The following UBAP2 variants were observed in gnomAD, a reference collection of about 807,000 sequenced individuals.
UBAP2 encodes the protein ubiquitin-associated protein 2.
Under a neutral mutation model 139.6 loss-of-function variants are expected in UBAP2, and 75 were observed. The observed-to-expected ratio is 0.54, with a 90% CI of 0.45 to 0.65. The LOEUF (loss-of-function observed/expected upper bound fraction) is 0.65, where lower values mean the gene tolerates loss of function less well. Among genes scored for constraint, UBAP2 ranks in the 30% least tolerant of loss-of-function variants. The pLI, the probability that UBAP2 is intolerant of heterozygous loss-of-function variation, is 0.00. For missense variants in UBAP2, 1,368 were observed against 1,369.6 expected (o/e 1.00, Z 0.02); for synonymous variants, 526 against 526.2 (o/e 1.00, Z 0.01).
intron 15 of UBAP2, among the ~76,000 whole-genome samples, chr9:33,942,094 C>T (rs975193293): frequency 3.3e-5 from 5 of 151,586 alleles, no homozygotes; most frequent in East Asian, 2.0e-4. Context: ...TGGGCGGATC[C>T]GGAGGTCAGG....
At chr9:34,032,626 G>C (rs1049243341) in intron 1 of UBAP2, among the ~76,000 whole-genome samples, 1 of 152,072 alleles carries the variant, frequency 6.6e-6, no homozygotes, top group African/African-American at 2.4e-5. Context: ...CAGAGATTAA[G>C]AATCTTTGTT....
intron 2 of UBAP2, among the ~76,000 whole-genome samples, chr9:34,003,448 T>C (rs527413029): frequency 6.7e-6 from 1 of 150,158 alleles, no homozygotes; most frequent in East Asian, 2.0e-4. Flanking sequence ...CGCGACTCAC[T>C]GCAACCTCCG....
At chr9:33,994,902 C>T (rs973697255) in intron 4 of UBAP2, 7 of 152,042 alleles carry the variant, frequency 4.6e-5, no homozygotes, top group African/African-American at 1.4e-4. Context: ...GCAGCATGAC[C>T]CTAAAATGAG....
intron 1 of UBAP2, among the ~76,000 whole-genome samples, chr9:34,032,214 C>T (rs1047949588): frequency 2.6e-5 from 4 of 152,306 alleles, no homozygotes; most frequent in African/African-American, 4.8e-5. Context: ...TAGCTAAACA[C>T]GGCTCTCTCG....
rs1824185691 is a variant in UBAP2 at position 33,933,511 on chromosome 9, C to T, written c.2087G>A (p.Ser696Asn). 6.2e-7 allele frequency: 1 copy of T among 1,613,920 alleles called. No individual in the cohort carries two copies. Among genetic ancestry groups the T allele is most frequent in the South Asian group, 1.1e-5 (1 of 91,064 alleles). The change falls in exon 18 of 29, where the codon AGC becomes AAC. Residue 696 changes from serine to asparagine, a missense_variant. Coordinates refer to ENST00000379238, the MANE Select transcript of UBAP2 (RefSeq NM_001370062.2). ...ATACCTGCTAAGCTGAGAGAGAGGGCTGCTAGTCAGGTCGCCAGTGTGCTG... is the reference window on the plus strand; with the variant it reads ...ATACCTGCTAAGCTGAGAGAGAGGGTTGCTAGTCAGGTCGCCAGTGTGCTG... ...TSQHTGDLTS[S>N]PLSQLSSSLS...
At chr9:33,947,981 CAA>C (rs34296980) in intron 13 of UBAP2, among the ~76,000 whole-genome samples, 13,452 of 80,358 alleles carry the variant, frequency 0.17, 694 homozygotes, top group African/African-American at 0.27. Context: ...GACCCCATCT[CAA>C]AAAAAAAAAA....
intron 19 of UBAP2, chr9:33,928,921 C>G (rs1318794123): frequency 6.6e-6 from 1 of 152,360 alleles, no homozygotes; most frequent in Non-Finnish European, 1.5e-5. Flanking sequence ...GCCGCCATCC[C>G]ATGCCCACAG....
chr9:33,994,001 T>C (rs577619620), intron 4 of UBAP2, among the ~76,000 whole-genome samples: 12 of 151,902 alleles, frequency 7.9e-5, no homozygotes, highest in African/African-American at 2.7e-4. Context: ...TTCAAGCAAT[T>C]CTCCTGCCTC....
At chr9:34,013,342 G>A (rs1480974583) in intron 2 of UBAP2, among the ~76,000 whole-genome samples, 32 of 151,152 alleles carry the variant, frequency 2.1e-4, no homozygotes, top group South Asian at 2.1e-4. Context: ...CTGAAGTCAG[G>A]AATTCAAGAC....
chr9:33,927,750 C>T, intron 20 of UBAP2, 47 bp downstream of exon 20: 3 of 1,556,176 alleles, frequency 1.9e-6, no homozygotes, highest in Non-Finnish European at 2.6e-6. Context: ...AAGCAGGCAC[C>T]TTTGAGGGGC....
intron 6 of UBAP2, among the ~76,000 whole-genome samples, chr9:33,982,019 A>C (rs1181678227): frequency 6.6e-6 from 1 of 152,286 alleles, no homozygotes; most frequent in East Asian, 1.9e-4. Flanking sequence ...AATTGTTAAG[A>C]TATAAGACAG....
intron 2 of UBAP2, among the ~76,000 whole-genome samples, chr9:34,001,969 A>G (rs1822744218): frequency 6.6e-6 from 1 of 151,846 alleles, no homozygotes; most frequent in African/African-American, 2.4e-5. Flanking sequence ...TTTCATTAAA[A>G]AAAAAAAACA....
chr9:33,923,676 G>T, intron 24 of UBAP2, 119 bp downstream of exon 24: 1 of 1,171,596 alleles, frequency 8.5e-7, no homozygotes, highest in Non-Finnish European at 1.3e-6. Flanking sequence ...AGTTTCTGAA[G>T]ACCAGGTAAG....
At chr9:34,024,664 A>T (rs1021191707) in intron 1 of UBAP2, among the ~76,000 whole-genome samples, 1 of 152,076 alleles carries the variant, frequency 6.6e-6, no homozygotes, top group African/African-American at 2.4e-5. Context: ...TCAACAGACA[A>T]ATTTTCCCGT....
chr9:33,967,958 T>C (rs574683988), intron 8 of UBAP2: 4 of 227,930 alleles, frequency 1.8e-5, no homozygotes, highest in African/African-American at 9.1e-5. Context: ...CATATTTCTT[T>C]ACTGCTGCTC....
At position 33,953,554 on chromosome 9, in the gene UBAP2, T is replaced by C. The variant is rs1489637416; in HGVS notation, c.867-80A>G. On this transcript the variant is annotated intron_variant, in intron 11 of 28. Transcript: ENST00000379238. The stretch of plus-strand genomic sequence containing the variant: ...TGAATGTGAGAAGTCAATCAATATA[T>C]AGTGAATTTACATTAAAAATCAAAT... The C allele has an allele frequency of 8.0e-6, 11 of 1,378,766 alleles. No individual in the cohort carries two copies. In the African/African-American group the frequency reaches 1.5e-4, roughly 18 times the overall value. The allele number at this position is 1,378,766 out of a possible 1,614,324, so 85.4% of individuals were successfully genotyped here. A position where few individuals can be genotyped will look rare whatever the true frequency, so the allele number is the denominator to read the frequency against.
At chr9:34,048,898 A>C (rs1232754770), upstream of UBAP2, 1 of 152,096 alleles carries the variant, frequency 6.6e-6, no homozygotes, top group Non-Finnish European at 1.5e-5. Context: ...GCCTCTTACA[A>C]AGCGGCGGCG....
intron 11 of UBAP2, among the ~76,000 whole-genome samples, chr9:33,955,451 C>G (rs10971821): frequency 1.8e-4 from 10 of 55,316 alleles, no homozygotes; most frequent in African/African-American, 8.8e-4. Flanking sequence ...CTCAGGACGG[C>G]GGGGGTTGCA....
chr9:34,040,451 T>C (rs1301193298), intron 1 of UBAP2, among the ~76,000 whole-genome samples: 2 of 151,898 alleles, frequency 1.3e-5, no homozygotes. Context: ...ATGGTCTCCA[T>C]GCTCTAGTTA....
Sources: gnomAD v4.1 joint callset for allele counts (sites outside exome capture counted in the v4.1 genomes callset) on GRCh38, gnomAD v4.1.1 for gene constraint, MANE v1.5 for transcripts, NCBI Gene and HGNC (gene_info 2026-07-23, HGNC 2026-07-21) for gene names.